SUGCT: variants seen among roughly 807,000 people sequenced by gnomAD.
The protein encoded by SUGCT is succinyl-CoA:glutarate CoA-transferase.
SUGCT carries 41 observed loss-of-function variants against 55.0 expected under a neutral mutation model. The observed-to-expected ratio is 0.74, with a 90% CI of 0.58 to 0.97. The LOEUF (loss-of-function observed/expected upper bound fraction) is 0.97. Among genes scored for constraint, SUGCT ranks in the 50% least tolerant of loss-of-function variants. SUGCT has a pLI of 0.00. For missense variants in SUGCT, 568 were observed against 547.8 expected, an observed-to-expected ratio of 1.04 and a Z score of -0.37; for synonymous variants, 187 against 200.4, an observed-to-expected ratio of 0.93 and a Z score of 0.56.
intron 9 of SUGCT, among the ~76,000 whole-genome samples, chr7:40,335,948 G>A (rs1448127138): frequency 6.6e-6 from 1 of 152,058 alleles, no homozygotes; most frequent in Non-Finnish European, 1.5e-5. Context: ...TTGAGAGTTT[G>A]TAACATGAAG....
At chr7:40,474,832 G>T (rs1790575908) in intron 11 of SUGCT, among the ~76,000 whole-genome samples, 1 of 152,142 alleles carries the variant, frequency 6.6e-6, no homozygotes, top group East Asian at 1.9e-4. Flanking sequence ...ATAAATTGGG[G>T]ATAATGAGCT....
At chr7:40,749,870 C>T (rs1787921290) in intron 13 of SUGCT, among the ~76,000 whole-genome samples, 1 of 152,256 alleles carries the variant, frequency 6.6e-6, no homozygotes, top group East Asian at 1.9e-4. Context: ...GAAAGCCAGG[C>T]AAGATGTAAC....
chr7:40,242,393 A>T (rs889041046), intron 7 of SUGCT, among the ~76,000 whole-genome samples: 1 of 151,846 alleles, frequency 6.6e-6, no homozygotes, highest in African/African-American at 2.4e-5. Context: ...AGTGGTCTTG[A>T]ACTCCTGACC....
the SUGCT span, among the ~76,000 whole-genome samples, chr7:40,873,642 T>C: frequency 6.6e-6 from 1 of 152,192 alleles, no homozygotes; most frequent in Admixed American, 6.5e-5. Flanking sequence ...TTAATTCCAG[T>C]TTATTCTGGT....
chr7:40,936,604 T>G, the SUGCT span, among the ~76,000 whole-genome samples: 8 of 151,936 alleles, frequency 5.3e-5, no homozygotes, highest in Non-Finnish European at 2.9e-5. Context: ...TTCATGTATT[T>G]AGGTTCTAAT....
intron 13 of SUGCT, among the ~76,000 whole-genome samples, chr7:40,808,837 T>C (rs1229476126): frequency 6.6e-6 from 1 of 152,182 alleles, no homozygotes; most frequent in Admixed American, 6.5e-5. Context: ...TATGACTTTA[T>C]CTTGCTCACT....
At chr7:40,724,217 A>G (rs1786495654) in intron 12 of SUGCT, among the ~76,000 whole-genome samples, 1 of 152,222 alleles carries the variant, frequency 6.6e-6, no homozygotes, top group Admixed American at 6.5e-5. Context: ...TGGGGGAACT[A>G]TCAAGTAGGA....
At chr7:40,235,240 A>T (rs936785403) in intron 6 of SUGCT, among the ~76,000 whole-genome samples, 4 of 152,144 alleles carry the variant, frequency 2.6e-5, no homozygotes, top group Admixed American at 6.5e-5. Flanking sequence ...CTGGTGGCGA[A>T]TGCATCTGGG....
At chr7:40,200,327 A>T (rs372689184) in intron 6 of SUGCT, among the ~76,000 whole-genome samples, 42 of 152,212 alleles carry the variant, frequency 2.8e-4, no homozygotes, top group African/African-American at 9.2e-4. Flanking sequence ...AATAAATACA[A>T]CATGTATTAG....
chr7:40,681,892 A>G (rs1292826334), intron 12 of SUGCT, among the ~76,000 whole-genome samples: 1 of 152,128 alleles, frequency 6.6e-6, no homozygotes, highest in Non-Finnish European at 1.5e-5. Context: ...AATAGAGAAC[A>G]GTGGTCAGAG....
chr7:40,265,009 A>G (rs1334764031), intron 7 of SUGCT, among the ~76,000 whole-genome samples: 3 of 152,190 alleles, frequency 2.0e-5, no homozygotes, highest in African/African-American at 7.2e-5. Flanking sequence ...CATTACCCAT[A>G]TTTGACAACT....
chr7:40,440,033 C>CT (rs1192888081), intron 9 of SUGCT, among the ~76,000 whole-genome samples: 3 of 151,888 alleles, frequency 2.0e-5, no homozygotes, highest in African/African-American at 7.3e-5. Flanking sequence ...ACTTAACTCC[C>CT]TTTTTTTCCT....
the SUGCT span, among the ~76,000 whole-genome samples, chr7:40,981,850 T>A: frequency 6.6e-6 from 1 of 152,238 alleles, no homozygotes; most frequent in South Asian, 2.1e-4. Flanking sequence ...TGTGTTAATG[T>A]CCATATTTCT....
intron 6 of SUGCT, among the ~76,000 whole-genome samples, chr7:40,232,996 T>A (rs1788803333): frequency 6.6e-6 from 1 of 152,152 alleles, no homozygotes; most frequent in Non-Finnish European, 1.5e-5. Flanking sequence ...TTTTTCTACC[T>A]CTTCATTAAA....
chr7:40,543,816 T>C (rs529825292), intron 12 of SUGCT, among the ~76,000 whole-genome samples: 96 of 152,352 alleles, frequency 6.3e-4, no homozygotes, highest in African/African-American at 2.2e-3. Context: ...TTGTAGAGTG[T>C]GTTTTAATAA....
chr7:40,895,008 T>A, the SUGCT span, among the ~76,000 whole-genome samples: 1 of 152,200 alleles, frequency 6.6e-6, no homozygotes, highest in East Asian at 1.9e-4. Flanking sequence ...TACACATAAA[T>A]GTGTATGTTC....
intron 12 of SUGCT, among the ~76,000 whole-genome samples, chr7:40,563,969 C>T (rs1203315811): frequency 6.6e-6 from 1 of 152,120 alleles, no homozygotes; most frequent in Non-Finnish European, 1.5e-5. Context: ...AAGTCCACAG[C>T]ACAATGAGTG....
At chr7:40,624,772 AACACACACACACACACAC>A (rs71791486) in intron 12 of SUGCT, among the ~76,000 whole-genome samples, 4 of 137,314 alleles carry the variant, frequency 2.9e-5, no homozygotes, top group East Asian at 2.1e-4. Context: ...TTTCTGTGCA[AACACACACACACACACAC>A]ACACACACAC....
At chr7:40,944,329 G>A in the SUGCT span, among the ~76,000 whole-genome samples, 2 of 151,246 alleles carry the variant, frequency 1.3e-5, no homozygotes, top group African/African-American at 4.9e-5. Flanking sequence ...CATTGCTTTT[G>A]GTGTTTTAGA....
Sources: allele counts gnomAD v4.1 joint callset (sites outside exome capture counted in the v4.1 genomes callset), GRCh38; gene constraint gnomAD v4.1.1; transcripts MANE v1.5; gene names NCBI Gene and HGNC (gene_info 2026-07-23, HGNC 2026-07-21).